FRMD4A: variants seen among roughly 807,000 people sequenced by gnomAD.
FRMD4A encodes the protein FERM domain containing 4A.
FRMD4A carries 29 observed loss-of-function variants against 129.1 expected under a neutral mutation model. The observed-to-expected ratio is 0.22, with a 90% CI of 0.17 to 0.31. The LOEUF (loss-of-function observed/expected upper bound fraction) is 0.31. FRMD4A is among the 10% of genes least tolerant of loss of function. The probability of loss-of-function intolerance (pLI) is 1.00; values close to 1 mark genes in which losing one functional copy is unlikely to be tolerated. For synonymous variants in FRMD4A, 634 were observed against 571.6 expected, an observed-to-expected ratio of 1.11 and a Z score of -1.56; for missense variants, 1,272 against 1,375.8, an observed-to-expected ratio of 0.92 and a Z score of 1.19.
intron 2 of FRMD4A, among the ~76,000 whole-genome samples, chr10:14,192,029 C>G (rs992628222): frequency 1.3e-5 from 2 of 152,186 alleles, no homozygotes; most frequent in African/African-American, 4.8e-5. Context: ...TCTTAACTGA[C>G]CACACTTTAA....
intron 6 of FRMD4A, among the ~76,000 whole-genome samples, chr10:13,772,195 A>AATAATAAATATTTATTTATTATTATTAT (rs2092476764): frequency 1.5e-5 from 1 of 66,346 alleles, no homozygotes; most frequent in Non-Finnish European, 4.0e-5. Context: ...ATTATTATAT[A>AATAATAAATATTTATTTATTATTATTAT]ATAATAAATA....
In FRMD4A at chr10:13,655,617, C is replaced by T. The variant is rs113926129; in HGVS notation, c.2953+1019G>A. ...CGCTAGGGCATCCAGGTTCTTCCTTCCTCTTTGCCCTGCTGTCTCCAGGCA... is the reference window on the plus strand; with the variant it reads ...CGCTAGGGCATCCAGGTTCTTCCTTTCTCTTTGCCCTGCTGTCTCCAGGCA... On this transcript the variant is annotated intron_variant, in intron 22 of 24. Coordinates refer to ENST00000357447, the MANE Select transcript of FRMD4A (RefSeq NM_018027.5). The T allele has an allele frequency of 6.7e-4, 101 of 151,590 alleles. 1 individual carries two copies. The highest frequency in any genetic ancestry group is 2.4e-3 in the African/African-American group (98 of 40,970). The allele number at this position is 151,590 out of a possible 1,614,324, so 9.4% of individuals were successfully genotyped here. A position where few individuals can be genotyped will look rare whatever the true frequency, so the allele number is the denominator to read the frequency against.
chr10:14,247,636 C>T (rs1844291313), intron 2 of FRMD4A, among the ~76,000 whole-genome samples: 1 of 152,150 alleles, frequency 6.6e-6, no homozygotes, highest in African/African-American at 2.4e-5. Context: ...ACCAAAACCA[C>T]ATTTATTCTT....
At chr10:13,993,076 T>G (rs901418769) in intron 2 of FRMD4A, among the ~76,000 whole-genome samples, 7 of 151,846 alleles carry the variant, frequency 4.6e-5, no homozygotes, top group African/African-American at 1.7e-4. Context: ...TTGGGCTAAG[T>G]GCTAGAAGGT....
intron 3 of FRMD4A, among the ~76,000 whole-genome samples, chr10:13,822,285 G>A (rs561474130): frequency 6.6e-6 from 1 of 152,270 alleles, no homozygotes; most frequent in South Asian, 2.1e-4. Context: ...CAATAACCAC[G>A]ATGTACAATA....
At chr10:13,876,300 A>G (rs1268751506) in intron 2 of FRMD4A, among the ~76,000 whole-genome samples, 1 of 152,226 alleles carries the variant, frequency 6.6e-6, no homozygotes, top group Non-Finnish European at 1.5e-5. Flanking sequence ...CCTTGGTACA[A>G]TATTACATGT....
At chr10:14,009,883 CT>C (rs772481539) in intron 2 of FRMD4A, among the ~76,000 whole-genome samples, 1 of 152,156 alleles carries the variant, frequency 6.6e-6, no homozygotes, top group Non-Finnish European at 1.5e-5. Flanking sequence ...GTTTACATCT[CT>C]TTTTTCTCTC....
rs1415700120 is a variant in FRMD4A at position 13,659,449 on chromosome 10, G to T, written c.1940C>A (p.Ala647Asp). Reference protein sequence around the residue: ...RFPSTGSCAEAGGGSNSLQNS... With the variant: ...RFPSTGSCAEDGGGSNSLQNS... ...CTGCAAGGAGTTGCTTCCTCCGCCG[G>T]CTTCCGCACAGCTTCCTGTGCTGGG... The change falls in exon 21 of 25, where the codon GCC becomes GAC. Residue 647 changes from alanine (A) to aspartate (D), a missense_variant. By Grantham distance (126) the Ala-to-Asp change is moderately radical (BLOSUM62 -2). Transcript: ENST00000357447. 1 of 1,613,770 alleles carries T rather than the reference G, an allele frequency of 6.2e-7. No homozygotes were observed. The highest frequency in any genetic ancestry group is 8.5e-7 in the Non-Finnish European group (1 of 1,179,972).
At chr10:13,670,802 T>G (rs1322924732) in intron 16 of FRMD4A, among the ~76,000 whole-genome samples, 2 of 152,232 alleles carry the variant, frequency 1.3e-5, no homozygotes, top group Non-Finnish European at 2.9e-5. Flanking sequence ...GCCATTTGAC[T>G]TTCATTATAA....
At chr10:14,230,562 C>T (rs994396633) in intron 2 of FRMD4A, among the ~76,000 whole-genome samples, 2 of 152,192 alleles carry the variant, frequency 1.3e-5, no homozygotes, top group Non-Finnish European at 2.9e-5. Flanking sequence ...TTGCTACTCA[C>T]AGGAGCTATC....
At chr10:14,190,951 G>T (rs978424586) in intron 2 of FRMD4A, among the ~76,000 whole-genome samples, 7 of 152,192 alleles carry the variant, frequency 4.6e-5, no homozygotes, top group Admixed American at 1.3e-4. Context: ...GTGAAACATG[G>T]GTGGGAATTC....
chr10:14,206,809 C>CAAAAAAAAAAAAAAAAAAAAA (rs57029013), intron 2 of FRMD4A, among the ~76,000 whole-genome samples: 2 of 43,058 alleles, frequency 4.6e-5, no homozygotes, highest in African/African-American at 1.1e-4. Context: ...GACGCTATCT[C>CAAAAAAAAAAAAAAAAAAAAA]AAAAAAAAAA....
intron 12 of FRMD4A, among the ~76,000 whole-genome samples, chr10:13,720,994 G>A (rs1286731588): frequency 6.6e-6 from 1 of 152,188 alleles, no homozygotes; most frequent in East Asian, 1.9e-4. Context: ...ATACCATATG[G>A]TTCCATTTCT....
At chr10:13,868,642 T>C (rs963342095) in intron 2 of FRMD4A, among the ~76,000 whole-genome samples, 1 of 151,812 alleles carries the variant, frequency 6.6e-6, no homozygotes, top group Non-Finnish European at 1.5e-5. Context: ...AAAACAACAA[T>C]ATGAAAATTA....
At chr10:14,099,878 C>G (rs1420782907) in intron 2 of FRMD4A, among the ~76,000 whole-genome samples, 1 of 152,228 alleles carries the variant, frequency 6.6e-6, no homozygotes, top group Non-Finnish European at 1.5e-5. Flanking sequence ...CTTCCAGTCT[C>G]AGCTTACCAA....
intron 2 of FRMD4A, among the ~76,000 whole-genome samples, chr10:14,293,739 T>C (rs956097148): frequency 3.9e-5 from 6 of 152,302 alleles, no homozygotes; most frequent in Non-Finnish European, 5.9e-5. Flanking sequence ...ACAATTCCAC[T>C]TCTTGGCATA....
chr10:13,764,183 C>CTGTGTGTGTG (rs1564761539), intron 6 of FRMD4A, among the ~76,000 whole-genome samples: 4 of 87,294 alleles, frequency 4.6e-5, no homozygotes, highest in African/African-American at 1.5e-4. Context: ...CCAAAGATTT[C>CTGTGTGTGTG]CGTGTGTGTG....
intron 2 of FRMD4A, among the ~76,000 whole-genome samples, chr10:14,176,891 T>C (rs1253489051): frequency 6.6e-6 from 1 of 152,202 alleles, no homozygotes; most frequent in Non-Finnish European, 1.5e-5. Flanking sequence ...AAAACAGAGA[T>C]GCCGTTCCTC....
At chr10:13,805,024 A>G (rs1230117400) in intron 4 of FRMD4A, among the ~76,000 whole-genome samples, 1 of 152,234 alleles carries the variant, frequency 6.6e-6, no homozygotes, top group Non-Finnish European at 1.5e-5. Context: ...TGAGTGTTGT[A>G]AAATGTAAGC....
Sources: allele counts gnomAD v4.1 joint callset (sites outside exome capture counted in the v4.1 genomes callset), GRCh38; gene constraint gnomAD v4.1.1; transcripts MANE v1.5; gene names NCBI Gene and HGNC (gene_info 2026-07-23, HGNC 2026-07-21).